The following COL22A1 variants were observed in gnomAD, a reference collection of about 807,000 sequenced individuals.
COL22A1 encodes the protein collagen type XXII alpha 1 chain.
A neutral mutation model predicts 248.9 loss-of-function variants in COL22A1; 221 were observed. That is an observed-to-expected ratio of 0.89 (90% CI 0.80 to 0.99). The LOEUF is 0.99. Among genes scored for constraint, COL22A1 ranks in the 50% least tolerant of loss-of-function variants. The probability of loss-of-function intolerance (pLI) is 0.00; values close to 1 mark genes in which losing one functional copy is unlikely to be tolerated. For synonymous variants in COL22A1, 891 were observed against 793.4 expected, an observed-to-expected ratio of 1.12 and a Z score of -2.07; for missense variants, 2,240 against 2,179.0, an observed-to-expected ratio of 1.03 and a Z score of -0.56.
At chr8:138,724,053 A>G (rs1363243006) in intron 25 of COL22A1, among the ~76,000 whole-genome samples, 2 of 151,858 alleles carry the variant, frequency 1.3e-5, no homozygotes, top group African/African-American at 4.9e-5. Context: ...GTAGATCATG[A>G]GATCTACCCA....
chr8:138,651,540 A>T (rs1214598355), intron 45 of COL22A1, among the ~76,000 whole-genome samples: 1 of 152,220 alleles, frequency 6.6e-6, no homozygotes, highest in Non-Finnish European at 1.5e-5. Context: ...GAAAGAGTTA[A>T]ATACTGGGAT....
chr8:138,862,017 T>A (rs1393745123), intron 3 of COL22A1, among the ~76,000 whole-genome samples: 1 of 120,756 alleles, frequency 8.3e-6, no homozygotes, highest in Non-Finnish European at 1.7e-5. Flanking sequence ...GGTGAAACCC[T>A]GTCTCTACTA....
intron 63 of COL22A1, among the ~76,000 whole-genome samples, chr8:138,592,464 T>C (rs1817154641): frequency 6.6e-6 from 1 of 152,244 alleles, no homozygotes; most frequent in Non-Finnish European, 1.5e-5. Flanking sequence ...AATCTGATGT[T>C]CTCTGTTTTA....
At chr8:138,707,436 T>C (rs185565443) in intron 30 of COL22A1, among the ~76,000 whole-genome samples, 13 of 152,132 alleles carry the variant, frequency 8.5e-5, no homozygotes, top group Non-Finnish European at 1.8e-4. Flanking sequence ...AGCTTATCCA[T>C]CATGATCAAA....
At chr8:138,902,227 C>T (rs559748535) in intron 1 of COL22A1, among the ~76,000 whole-genome samples, 1 of 152,282 alleles carries the variant, frequency 6.6e-6, no homozygotes. Flanking sequence ...GCTACCACAA[C>T]CATCAAAGCA....
rs1269734665 is a variant in COL22A1 at position 138,697,948 on chromosome 8, C to T, written c.2592+2164G>A. 3.3e-5 allele frequency among the ~76,000 whole-genome samples: 5 copies of T among 152,190 alleles called. No individual in the cohort carries two copies. In the East Asian group the frequency reaches 9.6e-4, roughly 29 times the overall value. On this transcript the variant is annotated intron_variant, in intron 32 of 64. Coordinates refer to ENST00000303045, the MANE Select transcript of COL22A1 (RefSeq NM_152888.3). ...TGCATCTGAGAGTGGCTTCCTGGCTCCCAGGCTCCCGCAGCAATGCAGAGC... is the reference window on the plus strand; with the variant it reads ...TGCATCTGAGAGTGGCTTCCTGGCTTCCAGGCTCCCGCAGCAATGCAGAGC...
At chr8:138,875,687 T>G (rs1472156627) in intron 3 of COL22A1, among the ~76,000 whole-genome samples, 1 of 152,030 alleles carries the variant, frequency 6.6e-6, no homozygotes, top group Non-Finnish European at 1.5e-5. Flanking sequence ...CTCCTATCAC[T>G]CCTCTTTCCC....
At chr8:138,862,040 A>AAAAAAAAAAAAAAAAG (rs1822515998) in intron 3 of COL22A1, among the ~76,000 whole-genome samples, 1 of 146,954 alleles carries the variant, frequency 6.8e-6, no homozygotes, top group African/African-American at 2.6e-5. Flanking sequence ...AAAAAAAAAA[A>AAAAAAAAAAAAAAAAG]AAAAAAAGAA....
intron 3 of COL22A1, among the ~76,000 whole-genome samples, chr8:138,846,625 G>A (rs193186266): frequency 1.7e-3 from 260 of 152,024 alleles, no homozygotes; most frequent in African/African-American, 6.0e-3. Context: ...TGGGGATGGT[G>A]GGGTCCTCAG....
intron 14 of COL22A1, 21 bp from the exon 15 acceptor site, chr8:138,778,427 A>G: frequency 6.4e-7 from 1 of 1,569,510 alleles, no homozygotes; most frequent in Non-Finnish European, 8.6e-7. Context: ...GCATTTACAG[A>G]GTAAAGTTTC....
chr8:138,821,203 C>CGGGA lies in COL22A1; in HGVS notation c.1177_1178insTCCC (p.Arg393LeufsTer6), dbSNP rs1167920384. On this transcript the variant is annotated frameshift_variant, in exon 7 of 65. Coordinates refer to ENST00000303045, the MANE Select transcript of COL22A1 (RefSeq NM_152888.3). LOFTEE classifies it high-confidence loss of function. The stretch of plus-strand genomic sequence containing the variant: ...CTTGCCCTGGATGTCAATGTTCTCC[C>CGGGA]GTTCCTCGATGGGTAGTGTCTGCAC... 6.2e-7 allele frequency: 1 copy of CGGGA among 1,614,062 alleles called. No homozygotes were observed. The highest frequency in any genetic ancestry group is 8.5e-7 in the Non-Finnish European group (1 of 1,180,048).
At chr8:138,742,970 G>A (rs1462027069) in intron 22 of COL22A1, among the ~76,000 whole-genome samples, 1 of 151,176 alleles carries the variant, frequency 6.6e-6, no homozygotes, top group Non-Finnish European at 1.5e-5. Flanking sequence ...GATGATGATG[G>A]TAGTAGTGAT....
At chr8:138,766,598 TAA>T (rs1833930880) in intron 16 of COL22A1, among the ~76,000 whole-genome samples, 1 of 148,998 alleles carries the variant, frequency 6.7e-6, no homozygotes, top group Non-Finnish European at 1.5e-5. Context: ...AGGAGAGAGA[TAA>T]AGAGACACAG....
At chr8:138,818,949 G>T (rs189470295) in intron 7 of COL22A1, among the ~76,000 whole-genome samples, 1 of 152,104 alleles carries the variant, frequency 6.6e-6, no homozygotes, top group African/African-American at 2.4e-5. Flanking sequence ...AGTGTGTGAC[G>T]TGGGCGATGG....
intron 21 of COL22A1, among the ~76,000 whole-genome samples, chr8:138,754,281 T>C (rs908422448): frequency 1.3e-4 from 20 of 152,132 alleles, no homozygotes; most frequent in African/African-American, 4.8e-4. Context: ...TGTGGGCAGC[T>C]CTGGAAACCG....
intron 24 of COL22A1, 117 bp downstream of exon 24, chr8:138,725,270 T>C: frequency 9.3e-7 from 1 of 1,071,518 alleles, no homozygotes; most frequent in Non-Finnish European, 1.5e-6. Context: ...GTGTGTGTTT[T>C]TGCACTGGAC....
chr8:138,764,911 G>A (rs576481695), intron 16 of COL22A1, among the ~76,000 whole-genome samples: 19 of 152,250 alleles, frequency 1.2e-4, no homozygotes, highest in South Asian at 4.1e-4. Context: ...AGCCGAGATC[G>A]TGCCACTGCA....
At chr8:138,887,025 A>G (rs1018596068) in intron 1 of COL22A1, among the ~76,000 whole-genome samples, 12 of 152,198 alleles carry the variant, frequency 7.9e-5, no homozygotes, top group African/African-American at 2.9e-4. Context: ...TGGGGTATCC[A>G]TCCCCTCAAG....
intron 44 of COL22A1, among the ~76,000 whole-genome samples, chr8:138,656,790 G>A (rs1441944477): frequency 1.3e-5 from 2 of 152,212 alleles, no homozygotes; most frequent in Non-Finnish European, 2.9e-5. Flanking sequence ...CCAGGCAGCA[G>A]AGGCAAGGTG....
Sources: gnomAD v4.1 joint callset for allele counts (sites outside exome capture counted in the v4.1 genomes callset) on GRCh38, gnomAD v4.1.1 for gene constraint, MANE v1.5 for transcripts, NCBI Gene and HGNC (gene_info 2026-07-23, HGNC 2026-07-21) for gene names.